Variants in DAB1 observed in about 807,000 individuals in gnomAD.
DAB1 encodes the protein disabled homolog 1.
A neutral mutation model predicts 64.6 loss-of-function variants in DAB1; 15 were observed. The ratio of observed to expected loss-of-function variants is 0.23; its 90% CI spans 0.16 to 0.36. The LOEUF (loss-of-function observed/expected upper bound fraction) is 0.36, where lower values mean the gene tolerates loss of function less well. DAB1 is among the 10% of genes least tolerant of loss of function. DAB1 has a pLI of 1.00. For synonymous variants in DAB1, 235 were observed against 251.9 expected (o/e 0.93, Z 0.64); for missense variants, 596 against 706.7 (o/e 0.84, Z 1.78).
intron 7 of DAB1, among the ~76,000 whole-genome samples, chr1:57,637,553 C>T (rs1646072255): frequency 6.6e-6 from 1 of 152,060 alleles, no homozygotes; most frequent in Non-Finnish European, 1.5e-5. Context: ...GTATGTGTAT[C>T]AAAACCAAGG....
At chr1:57,736,032 T>C (rs145097803) in intron 6 of DAB1, among the ~76,000 whole-genome samples, 140 of 152,272 alleles carry the variant, frequency 9.2e-4, no homozygotes, top group African/African-American at 3.2e-3. Context: ...TGTACAGATA[T>C]CAATATCTAA....
chr1:57,683,910 A>G (rs754204617), intron 6 of DAB1, among the ~76,000 whole-genome samples: 1 of 152,244 alleles, frequency 6.6e-6, no homozygotes, highest in Non-Finnish European at 1.5e-5. Flanking sequence ...TCGCCAGTTT[A>G]GTAAACAACA....
chr1:58,464,158 G>A (rs978960619), intron 3 of DAB1, among the ~76,000 whole-genome samples: 1 of 152,222 alleles, frequency 6.6e-6, no homozygotes, highest in South Asian at 2.1e-4. Context: ...GGCACAGGCA[G>A]AATAGCATTT....
intron 5 of DAB1, among the ~76,000 whole-genome samples, chr1:58,105,285 C>T (rs952866076): frequency 2.6e-5 from 4 of 152,162 alleles, no homozygotes; most frequent in Non-Finnish European, 4.4e-5. Context: ...AGGTCTTGTT[C>T]AGTTAAAAGC....
At chr1:57,135,619 C>T (rs866397070) in intron 4 of DAB1, among the ~76,000 whole-genome samples, 16 of 152,160 alleles carry the variant, frequency 1.1e-4, no homozygotes, top group East Asian at 3.9e-4. Context: ...TTTTCTATAC[C>T]TTTTTTCTTC....
At chr1:57,889,134 A>G (rs1023101020) in intron 5 of DAB1, among the ~76,000 whole-genome samples, 1 of 152,128 alleles carries the variant, frequency 6.6e-6, no homozygotes, top group Non-Finnish European at 1.5e-5. Context: ...GGTTGTGGTG[A>G]GTATTTGAGG....
At chr1:58,134,187 C>G (rs1270884283) in intron 5 of DAB1, among the ~76,000 whole-genome samples, 1 of 152,094 alleles carries the variant, frequency 6.6e-6, no homozygotes, top group East Asian at 1.9e-4. Context: ...GTTGGGAAGT[C>G]TAAGATCAAA....
chr1:58,418,462 G>A (rs984385729), intron 3 of DAB1, among the ~76,000 whole-genome samples: 2 of 151,998 alleles, frequency 1.3e-5, no homozygotes, highest in African/African-American at 4.8e-5. Flanking sequence ...CTGGCTTTGA[G>A]AATCAGTTAT....
At chr1:58,095,099 A>G (rs1295608553) in intron 5 of DAB1, among the ~76,000 whole-genome samples, 1 of 151,960 alleles carries the variant, frequency 6.6e-6, no homozygotes, top group Admixed American at 6.6e-5. Context: ...GAGTTCGCTG[A>G]CCCCGGCTCT....
upstream of DAB1, among the ~76,000 whole-genome samples, chr1:57,887,748 A>G (rs1644246069): frequency 6.6e-6 from 1 of 152,254 alleles, no homozygotes; most frequent in Admixed American, 6.5e-5. Context: ...AGGGGCAAGT[A>G]AACATTCTAT....
At chr1:57,001,169 T>A (rs912753157) in intron 14 of DAB1, among the ~76,000 whole-genome samples, 1 of 152,230 alleles carries the variant, frequency 6.6e-6, no homozygotes, top group African/African-American at 2.4e-5. Flanking sequence ...AGCTAAAGAA[T>A]CATTGGATTC....
At chr1:58,300,644 GAGAGGAAGGAAGGA>G (rs1440668299) in intron 4 of DAB1, among the ~76,000 whole-genome samples, 12 of 59,406 alleles carry the variant, frequency 2.0e-4, no homozygotes, top group African/African-American at 7.0e-4. Context: ...GAGAGAGAGA[GAGAGGAAGGAAGGA>G]AGGAAGGAAG....
intron 7 of DAB1, among the ~76,000 whole-genome samples, chr1:57,579,882 T>C (rs751051382): frequency 7.9e-5 from 12 of 152,168 alleles, no homozygotes; most frequent in East Asian, 3.9e-4. Context: ...AGAGGTTTCA[T>C]TACACTCACA....
intron 5 of DAB1, among the ~76,000 whole-genome samples, chr1:58,146,269 G>A (rs932797004): frequency 1.3e-5 from 2 of 152,056 alleles, no homozygotes; most frequent in Non-Finnish European, 2.9e-5. Flanking sequence ...TTCAAGGGTC[G>A]ACTGTACACA....
chr1:57,087,363 C>T (rs955836687), intron 4 of DAB1, among the ~76,000 whole-genome samples: 3 of 152,072 alleles, frequency 2.0e-5, no homozygotes, highest in Non-Finnish European at 2.9e-5. Context: ...GGCAGGATGC[C>T]GGGAAGAGAA....
chr1:57,206,913 C>CA (rs546519057), intron 2 of DAB1, among the ~76,000 whole-genome samples: 2 of 149,328 alleles, frequency 1.3e-5, no homozygotes, highest in Non-Finnish European at 3.0e-5. Flanking sequence ...ACTTAAATGA[C>CA]AAACACAACT....
intron 2 of DAB1, among the ~76,000 whole-genome samples, chr1:57,187,213 A>AC (rs1156489421): frequency 6.6e-6 from 1 of 152,080 alleles, no homozygotes; most frequent in Admixed American, 6.6e-5. Flanking sequence ...TTTTCCTTTG[A>AC]CCACTAGGAA....
chr1:58,188,929 A>G (rs1657235870), intron 4 of DAB1, among the ~76,000 whole-genome samples: 1 of 152,222 alleles, frequency 6.6e-6, no homozygotes, highest in Admixed American at 6.5e-5. Context: ...AAGCACAGCA[A>G]AAGTATTTAT....
At chr1:58,455,392 C>T (rs1000063137) in intron 3 of DAB1, among the ~76,000 whole-genome samples, 2 of 152,226 alleles carry the variant, frequency 1.3e-5, no homozygotes, top group Non-Finnish European at 2.9e-5. Flanking sequence ...GGATTGCAGG[C>T]CCACCCCGCG....
Sources: allele counts gnomAD v4.1 joint callset (sites outside exome capture counted in the v4.1 genomes callset), GRCh38; gene constraint gnomAD v4.1.1; transcripts MANE v1.5; gene names NCBI Gene and HGNC (gene_info 2026-07-23, HGNC 2026-07-21).